The following DENND2A variants were observed in gnomAD, a reference collection of about 807,000 sequenced individuals.
DENND2A encodes DENN domain-containing protein 2A.
In DENND2A, 53 loss-of-function variants were observed where a neutral mutation model predicts 105.3. The observed-to-expected ratio is 0.50, with a 90% CI of 0.40 to 0.63. DENND2A has a LOEUF of 0.63. Ranked by LOEUF, DENND2A falls within the 30% of genes least tolerant of loss-of-function variation. The pLI is 0.00. For missense variants in DENND2A, 1,138 were observed against 1,279.6 expected (o/e 0.89, Z 1.69); for synonymous variants, 522 against 508.4 (o/e 1.03, Z -0.36).
At chr7:140,547,475 A>G (rs1394544614) in intron 12 of DENND2A, among the ~76,000 whole-genome samples, 3 of 152,300 alleles carry the variant, frequency 2.0e-5, no homozygotes, top group Non-Finnish European at 2.9e-5. Context: ...AAAAAGATGG[A>G]TAAGAACAAG....
intron 2 of DENND2A, among the ~76,000 whole-genome samples, chr7:140,604,884 A>G (rs1348284073): frequency 6.6e-6 from 1 of 152,214 alleles, no homozygotes; most frequent in East Asian, 1.9e-4. Context: ...GAATGAATGA[A>G]TTCATGAGTT....
chr7:140,534,081 A>ATTTTTT (rs3042407), intron 14 of DENND2A, among the ~76,000 whole-genome samples: 2 of 80,106 alleles, frequency 2.5e-5, no homozygotes, highest in African/African-American at 1.0e-4. Flanking sequence ...TGCCTGGTTA[A>ATTTTTT]TTTTTTTTTT....
intron 5 of DENND2A, among the ~76,000 whole-genome samples, chr7:140,578,828 CAT>C (rs1194984667): frequency 2.0e-5 from 3 of 152,186 alleles, no homozygotes; most frequent in Admixed American, 1.3e-4. Context: ...GAGCTGAGAT[CAT>C]GCCACTGCAC....
In DENND2A at chr7:140,567,254, G is replaced by T; in HGVS notation, c.1611C>A (p.Val537=). The T allele has an allele frequency of 1.2e-6, 2 of 1,610,690 alleles. No homozygotes were observed. The highest frequency in any genetic ancestry group is 2.2e-5 in the South Asian group (2 of 90,412). Residue 537 remains valine, a synonymous_variant, in exon 9 of 20, where the codon GTC becomes GTA. Transcript: ENST00000496613. ...EKLKAHSQRL[V]NVKSRLKQAP... ...CCTGCTTCAGCCGGGACTTCACGTT[G>T]ACCAGGCGCTGGCTGTGAGCTGGGT...
intron 5 of DENND2A, among the ~76,000 whole-genome samples, chr7:140,578,739 G>A (rs1431909238): frequency 2.0e-5 from 3 of 152,090 alleles, no homozygotes; most frequent in East Asian, 3.9e-4. Flanking sequence ...AAATTAGCTG[G>A]GTGTGGTAGT....
intron 12 of DENND2A, among the ~76,000 whole-genome samples, chr7:140,554,017 G>T (rs1797255906): frequency 6.6e-6 from 1 of 150,876 alleles, no homozygotes; most frequent in Non-Finnish European, 1.5e-5. Flanking sequence ...TACGAGGTCA[G>T]GAGATCAAGA....
At chr7:140,581,695 C>T (rs1057421712) in intron 5 of DENND2A, among the ~76,000 whole-genome samples, 2 of 152,190 alleles carry the variant, frequency 1.3e-5, no homozygotes, top group Non-Finnish European at 2.9e-5. Context: ...GCACGGACAC[C>T]GTGTCCCGCT....
chr7:140,529,988 TA>T (rs1413752519), intron 14 of DENND2A, among the ~76,000 whole-genome samples: 1 of 151,034 alleles, frequency 6.6e-6, no homozygotes, highest in East Asian at 1.9e-4. Flanking sequence ...ATGTGTGTAT[TA>T]AAATATTATG....
intron 9 of DENND2A, among the ~76,000 whole-genome samples, chr7:140,563,676 TAAAAAAAAA>T (rs139848094): frequency 6.8e-5 from 2 of 29,210 alleles, no homozygotes; most frequent in Admixed American, 5.3e-4. Context: ...ACCATTGCAT[TAAAAAAAAA>T]AAAAAAAAAA....
chr7:140,527,820 A>T lies in DENND2A; in HGVS notation c.2328-325T>A, dbSNP rs935116436. 7.4e-5 allele frequency among the ~76,000 whole-genome samples: 11 copies of T among 148,596 alleles called. No homozygotes were observed. Among genetic ancestry groups the T allele is most frequent in the African/African-American group, 2.8e-4 (11 of 39,042 alleles). ...TACTCTTGTAAGGTTTTTATTTATT[A>T]TTTATTTATTTATTTATATTTTTAA... is the stretch of plus-strand genomic sequence containing the variant. On this transcript the variant is annotated intron_variant, in intron 14 of 19. Transcript: ENST00000496613. The surrounding 1 kb of genome is among the most constrained non-coding windows in gnomAD (Gnocchi z 4.9).
At chr7:140,552,899 C>G (rs558003117) in intron 12 of DENND2A, among the ~76,000 whole-genome samples, 5 of 151,044 alleles carry the variant, frequency 3.3e-5, no homozygotes, top group Non-Finnish European at 7.3e-5. Context: ...AGAGATTGTA[C>G]TATGTTTGTA....
chr7:140,567,832 A>G (rs1797927561), intron 8 of DENND2A, among the ~76,000 whole-genome samples: 1 of 152,186 alleles, frequency 6.6e-6, no homozygotes, highest in African/African-American at 2.4e-5. Context: ...CTGCAATGAA[A>G]TGGCCTTGCT....
intron 12 of DENND2A, among the ~76,000 whole-genome samples, chr7:140,549,780 ATATT>A (rs1364441406): frequency 6.6e-6 from 1 of 152,184 alleles, no homozygotes; most frequent in African/African-American, 2.4e-5. Context: ...ACTTGAATAG[ATATT>A]TATTTGGACA....
intron 14 of DENND2A, among the ~76,000 whole-genome samples, chr7:140,537,739 A>G (rs997194373): frequency 5.3e-5 from 8 of 152,172 alleles, no homozygotes; most frequent in African/African-American, 1.9e-4. Flanking sequence ...CCTGGGCTCA[A>G]GCAATCCTCC....
At chr7:140,551,582 G>A (rs1390007154) in intron 12 of DENND2A, among the ~76,000 whole-genome samples, 2 of 152,146 alleles carry the variant, frequency 1.3e-5, no homozygotes, top group African/African-American at 2.4e-5. Flanking sequence ...AGCCAACCCA[G>A]CCTCTTCACA....
intron 1 of DENND2A, among the ~76,000 whole-genome samples, chr7:140,606,837 C>T (rs1382851639): frequency 6.6e-6 from 1 of 152,172 alleles, no homozygotes; most frequent in African/African-American, 2.4e-5. Flanking sequence ...GGTGCCTGGC[C>T]CCCATATAAA....
chr7:140,618,614 A>G (rs1352357349), intron 1 of DENND2A, among the ~76,000 whole-genome samples: 1 of 152,204 alleles, frequency 6.6e-6, no homozygotes, highest in Non-Finnish European at 1.5e-5. Flanking sequence ...CATATCTAAT[A>G]TAGACTAGAA....
intron 14 of DENND2A, among the ~76,000 whole-genome samples, chr7:140,530,027 C>T (rs1326749331): frequency 6.7e-6 from 1 of 150,272 alleles, no homozygotes; most frequent in Non-Finnish European, 1.5e-5. Context: ...AGATTGAGAC[C>T]AACCTGGGCA....
intron 1 of DENND2A, among the ~76,000 whole-genome samples, chr7:140,631,359 G>A (rs1019483417): frequency 6.6e-6 from 1 of 152,056 alleles, no homozygotes; most frequent in African/African-American, 2.4e-5. Flanking sequence ...CCTGAACCTC[G>A]GGGTTGTGTG....
Sources: allele counts gnomAD v4.1 joint callset (sites outside exome capture counted in the v4.1 genomes callset), GRCh38; gene constraint gnomAD v4.1.1; non-coding constraint Gnocchi (gnomAD v3.1); transcripts MANE v1.5; gene names NCBI Gene and HGNC (gene_info 2026-07-23, HGNC 2026-07-21).